CCDC150: variants seen among roughly 807,000 people sequenced by gnomAD.
The protein encoded by CCDC150 is coiled-coil domain-containing protein 150.
CCDC150 carries 151 observed loss-of-function variants against 156.5 expected under a neutral mutation model. That is an observed-to-expected ratio of 0.97 (90% CI 0.85 to 1.10). CCDC150 has a LOEUF of 1.10. CCDC150 is among the 50% of genes least tolerant of loss of function. The pLI is 0.00. For missense variants in CCDC150, 1,312 were observed against 1,268.1 expected (o/e 1.03, Z -0.53); for synonymous variants, 452 against 429.4 (o/e 1.05, Z -0.65).
rs780381955 is a variant in CCDC150 at position 196,718,473 on chromosome 2, G to A, written c.1867-30G>A. On this transcript the variant is annotated intron_variant, in intron 17 of 27. Coordinates refer to ENST00000389175, the MANE Select transcript of CCDC150 (RefSeq NM_001080539.2). The stretch of plus-strand genomic sequence containing the variant: ...CTTATTCTAATCACTGATTTGTAAT[G>A]TTATTTATTGTTTCTTTTTTCCTAC... The A allele has an allele frequency of 2.0e-5, 31 of 1,540,478 alleles. No individual in the cohort carries two copies. The Admixed American group carries it at 3.8e-4, about 19-fold the overall frequency.
In CCDC150 at chr2:196,729,331, A is replaced by G; in HGVS notation, c.2695A>G (p.Ile899Val). 5.6e-6 allele frequency: 9 copies of G among 1,613,930 alleles called. No individual in the cohort carries two copies. The highest frequency in any genetic ancestry group is 7.6e-6 in the Non-Finnish European group (9 of 1,179,842). Residue 899 changes from isoleucine (I) to valine (V), a missense_variant, in exon 23 of 28, where the codon ATT becomes GTT. By Grantham distance (29) the Ile-to-Val change is conservative. Transcript: ENST00000389175. ...KEKIKNQKTQ[I>V]KLHLSAKANN... ...GAAAATAAAGAATCAAAAGACCCAAATTAAGCTCCACTTGTCAGCTAAGGC... is the reference window on the plus strand; with the variant it reads ...GAAAATAAAGAATCAAAAGACCCAAGTTAAGCTCCACTTGTCAGCTAAGGC...
chr2:196,718,545 A>T lies in CCDC150; in HGVS notation c.1909A>T (p.Thr637Ser), dbSNP rs1453724099. Residue 637 changes from threonine to serine, a missense_variant, in exon 18 of 28, where the codon ACA (threonine) becomes TCA (serine). Physicochemically the swap from Thr to Ser is moderately conservative, Grantham distance 58. Transcript: ENST00000389175. ...LERSKEELSR[T>S]VKCRNAALKE... ...AAGAAGTAAAGAGGAGCTGTCCCGA[A>T]CAGTGAAGTGTCGTAATGCGGCCCT... 1 of 1,613,670 alleles carries T rather than the reference A, an allele frequency of 6.2e-7. No individual in the cohort carries two copies. The highest frequency in any genetic ancestry group is 1.3e-5 in the African/African-American group (1 of 75,044).
chr2:196,660,591 T>G (rs1455275491), intron 5 of CCDC150, among the ~76,000 whole-genome samples: 1 of 152,258 alleles, frequency 6.6e-6, no homozygotes, highest in Non-Finnish European at 1.5e-5. Context: ...TGTGTTTATT[T>G]GCCATCTGTA....
At chr2:196,732,328 TTTTTAGA>T (rs1698565687) in intron 27 of CCDC150, 111 bp from the exon 28 acceptor site, 1 of 1,133,064 alleles carries the variant, frequency 8.8e-7, no homozygotes, top group East Asian at 2.4e-5. Context: ...TGTCACAAAC[TTTTTAGA>T]TTAGAATCAC....
chr2:196,723,874 A>G (rs887351211), intron 21 of CCDC150, among the ~76,000 whole-genome samples: 2 of 152,224 alleles, frequency 1.3e-5, no homozygotes, highest in African/African-American at 4.8e-5. Flanking sequence ...AATGGTGAAG[A>G]TAAAGAAGAT....
intron 5 of CCDC150, 101 bp from the exon 6 acceptor site, chr2:196,665,466 G>A: frequency 3.4e-6 from 2 of 588,380 alleles, no homozygotes; most frequent in Non-Finnish European, 5.9e-6. Flanking sequence ...AAGACTGTTT[G>A]GGGGTGAGAT....
rs1186197682 is a variant in CCDC150 at position 196,712,234 on chromosome 2, A to G, written c.1785A>G (p.Leu595=). 1 of 1,547,754 alleles carries G rather than the reference A, an allele frequency of 6.5e-7. No individual in the cohort carries two copies. Among genetic ancestry groups the G allele is most frequent in the Middle Eastern group, 1.7e-4 (1 of 5,936 alleles). Reference sequence around the variant, plus strand: ...ATCTACGCAAGATGAATAAGTATTTACAGACTAAATATGCTCAGGTGTGAT... The same window carrying G: ...ATCTACGCAAGATGAATAAGTATTTGCAGACTAAATATGCTCAGGTGTGAT... ...NDHLRKMNKY[L]QTKYAQANSE... is the part of the protein sequence containing the mutation. Residue 595 remains leucine (L), a synonymous_variant, in exon 16 of 28, where the codon TTA becomes TTG. Transcript: ENST00000389175.
Position 196,718,317 on chromosome 2 carries a change from A to G in CCDC150, c.1867-186A>G, listed in dbSNP as rs896085689. 6.3e-5 allele frequency: 25 copies of G among 395,652 alleles called. No homozygotes were observed. The Middle Eastern group carries it at 2.0e-3, about 32-fold the overall frequency. 24.5% of individuals were successfully genotyped at this position (395,652 alleles called of 1,614,324 possible). A position where few individuals can be genotyped will look rare whatever the true frequency, so the allele number is the denominator to read the frequency against. ...GGAGATTAATGTATTGGATTTGTCT[A>G]TGTTTATTCACACAGATATTTTTGT... is the stretch of plus-strand genomic sequence containing the variant. On this transcript the variant is annotated intron_variant, in intron 17 of 27. Transcript: ENST00000389175.
At chr2:196,713,558 A>G in intron 17 of CCDC150, 1 of 1,550,172 alleles carries the variant, frequency 6.5e-7, no homozygotes, top group South Asian at 1.2e-5. Flanking sequence ...AGACTCTAGG[A>G]TCTCTCTAAA....
chr2:196,730,101 C>A lies in CCDC150; in HGVS notation c.2965C>A (p.Leu989Ile). Residue 989 changes from leucine (L) to isoleucine (I), a missense_variant, in exon 25 of 28, where the codon CTA becomes ATA. Transcript: ENST00000389175. ...LEAERKIRQE[L>I]ENRCQELEET... ...AGCAGAGCGGAAAATAAGGCAGGAG[C>A]TAGAGAATCGGTGCCAGGTAAAAGG... 6.2e-7 allele frequency: 1 copy of A among 1,606,412 alleles called. No homozygotes were observed. Among genetic ancestry groups the A allele is most frequent in the Non-Finnish European group, 8.5e-7 (1 of 1,177,172 alleles).
At chr2:196,679,395 CAT>C (rs1248219573) in intron 13 of CCDC150, among the ~76,000 whole-genome samples, 2 of 152,268 alleles carry the variant, frequency 1.3e-5, no homozygotes, top group East Asian at 3.9e-4. Flanking sequence ...TCCAGAGTGT[CAT>C]ATAAATAGAA....
intron 17 of CCDC150, among the ~76,000 whole-genome samples, chr2:196,716,035 AAG>A (rs1697476373): frequency 6.6e-6 from 1 of 152,214 alleles, no homozygotes; most frequent in South Asian, 2.1e-4. Context: ...ACCTAAGAAA[AAG>A]AATAGGCAAA....
intron 27 of CCDC150, 72 bp downstream of exon 27, chr2:196,732,224 C>A: frequency 6.7e-7 from 1 of 1,496,564 alleles, no homozygotes; most frequent in East Asian, 2.3e-5. Context: ...TACCGAAGTT[C>A]TCTCATCATC....
chr2:196,658,883 G>T, intron 5 of CCDC150, 23 bp downstream of exon 5: 1 of 1,543,348 alleles, frequency 6.5e-7, no homozygotes, highest in South Asian at 1.2e-5. Context: ...GATGGAGGGT[G>T]GAGGAGGTGT....
At chr2:196,655,361 A>G (rs1377347750) in intron 2 of CCDC150, among the ~76,000 whole-genome samples, 1 of 152,164 alleles carries the variant, frequency 6.6e-6, no homozygotes, top group Non-Finnish European at 1.5e-5. Flanking sequence ...TAGTCCTTAT[A>G]TGAGAGCTGT....
intron 2 of CCDC150, among the ~76,000 whole-genome samples, chr2:196,649,691 TAG>T (rs987776000): frequency 6.6e-6 from 1 of 152,208 alleles, no homozygotes; most frequent in African/African-American, 2.4e-5. Flanking sequence ...ATCAGCCTTT[TAG>T]AGTTTTTATT....
intron 1 of CCDC150, among the ~76,000 whole-genome samples, chr2:196,643,205 A>G (rs1027537913): frequency 1.3e-5 from 2 of 152,180 alleles, no homozygotes; most frequent in African/African-American, 2.4e-5. Flanking sequence ...CCTGCCAACC[A>G]TCAATCAGTG....
intron 13 of CCDC150, among the ~76,000 whole-genome samples, chr2:196,693,457 T>C (rs1045247126): frequency 6.6e-6 from 1 of 152,244 alleles, no homozygotes; most frequent in African/African-American, 2.4e-5. Flanking sequence ...GAATTTCCAA[T>C]TGTACATTGT....
At position 196,646,373 on chromosome 2, in the gene CCDC150, C is replaced by G; in HGVS notation, c.45C>G (p.Val15=). The G allele has an allele frequency of 6.2e-7, 1 of 1,613,822 alleles. No homozygotes were observed. The highest frequency in any genetic ancestry group is 8.5e-7 in the Non-Finnish European group (1 of 1,179,742). ...TGGAAACTACAGTGTCCAGACCGGT[C>G]CTTTCTCCAACCCACATCAACGCTA... ...VHMETTVSRP[V]LSPTHINATA... The change falls in exon 2 of 28, where the codon GTC becomes GTG. Residue 15 remains valine, a synonymous_variant. Coordinates refer to ENST00000389175, the MANE Select transcript of CCDC150 (RefSeq NM_001080539.2).
Sources: allele counts gnomAD v4.1 joint callset (sites outside exome capture counted in the v4.1 genomes callset), GRCh38; gene constraint gnomAD v4.1.1; transcripts MANE v1.5; gene names NCBI Gene and HGNC (gene_info 2026-07-23, HGNC 2026-07-21).